The following ZDHHC17 variants were observed in gnomAD, a reference collection of about 807,000 sequenced individuals.
ZDHHC17 encodes the protein zDHHC palmitoyltransferase 17, also known as palmitoyltransferase ZDHHC17.
Under a neutral mutation model 90.3 loss-of-function variants are expected in ZDHHC17, and 40 were observed. The observed-to-expected ratio is 0.44, with a 90% confidence interval of 0.34 to 0.58. ZDHHC17 has a LOEUF of 0.58. Ranked by LOEUF, ZDHHC17 falls within the 20% of genes least tolerant of loss-of-function variation. The pLI, the probability that ZDHHC17 is intolerant of heterozygous loss-of-function variation, is 0.01. For missense variants in ZDHHC17, 614 were observed against 780.8 expected (o/e 0.79, Z 2.55); for synonymous variants, 235 against 252.4 (o/e 0.93, Z 0.65).
chr12:76,786,838 C>A (rs1404641415), intron 1 of ZDHHC17, among the ~76,000 whole-genome samples: 1 of 152,288 alleles, frequency 6.6e-6, no homozygotes, highest in East Asian at 1.9e-4. Flanking sequence ...TCTGTTACTT[C>A]CTTCCTCAAA....
chr12:76,770,908 A>G (rs1028310026), intron 1 of ZDHHC17, among the ~76,000 whole-genome samples: 8 of 146,528 alleles, frequency 5.5e-5, no homozygotes, highest in Non-Finnish European at 1.0e-4. Flanking sequence ...TGCCTGGGCA[A>G]TGAGCAAAAC....
At chr12:76,831,763 C>T (rs1592493264) in intron 10 of ZDHHC17, among the ~76,000 whole-genome samples, 1 of 152,174 alleles carries the variant, frequency 6.6e-6, no homozygotes, top group African/African-American at 2.4e-5. Context: ...CCTCCCACCT[C>T]AGCCTCCTGA....
At chr12:76,809,404 A>G (rs945962471) in intron 4 of ZDHHC17, among the ~76,000 whole-genome samples, 5 of 152,124 alleles carry the variant, frequency 3.3e-5, no homozygotes, top group African/African-American at 4.8e-5. Flanking sequence ...TATATTTACA[A>G]TGAAAGAATT....
chr12:76,827,751 G>C (rs1458103768), intron 9 of ZDHHC17, among the ~76,000 whole-genome samples: 1 of 152,022 alleles, frequency 6.6e-6, no homozygotes, highest in Non-Finnish European at 1.5e-5. Flanking sequence ...CTTAAATCTA[G>C]TTAGTGAATC....
chr12:76,815,937 A>T lies in ZDHHC17; in HGVS notation c.689A>T (p.His230Leu). 1 of 1,585,172 alleles carries T rather than the reference A, an allele frequency of 6.3e-7. No homozygotes were observed. The highest frequency in any genetic ancestry group is 1.8e-5 in the Admixed American group (1 of 56,408). Residue 230 changes from histidine (H) to leucine (L), a missense_variant, in exon 7 of 17, where the codon CAT (histidine) becomes CTT (leucine). This residue lies in a region of ZDHHC17 where 358 missense variants were observed against 380.4 expected (regional missense o/e 0.94). Coordinates refer to ENST00000426126, the MANE Select transcript of ZDHHC17 (RefSeq NM_015336.4). ...AAGTATCACAAAAACACTGCTCTGCATTGGGCAGTGCTAGCAGGGAATACC... is the reference window on the plus strand; with the variant it reads ...AAGTATCACAAAAACACTGCTCTGCTTTGGGCAGTGCTAGCAGGGAATACC... ...GDKYHKNTAL[H>L]WAVLAGNTTV...
intron 10 of ZDHHC17, among the ~76,000 whole-genome samples, chr12:76,828,720 G>A (rs1222166847): frequency 6.6e-6 from 1 of 152,036 alleles, no homozygotes; most frequent in Admixed American, 6.5e-5. Context: ...CATTTATTGA[G>A]TGTTTAAAAG....
chr12:76,775,635 A>G (rs995594205), intron 1 of ZDHHC17, among the ~76,000 whole-genome samples: 1 of 152,214 alleles, frequency 6.6e-6, no homozygotes, highest in East Asian at 1.9e-4. Flanking sequence ...TTTCTTTCTT[A>G]GTGGTACATA....
At chr12:76,778,271 G>A (rs953212331) in intron 1 of ZDHHC17, among the ~76,000 whole-genome samples, 10 of 152,084 alleles carry the variant, frequency 6.6e-5, no homozygotes, top group African/African-American at 2.4e-4. Flanking sequence ...AGAAGGGCAC[G>A]ATTTCAGCTC....
chr12:76,786,918 A>G (rs1211147611), intron 1 of ZDHHC17, among the ~76,000 whole-genome samples: 1 of 152,204 alleles, frequency 6.6e-6, no homozygotes, highest in Non-Finnish European at 1.5e-5. Context: ...TCAGTCGAAG[A>G]TGGGGTTTTT....
chr12:76,807,633 G>A (rs1171761438), intron 3 of ZDHHC17, among the ~76,000 whole-genome samples: 3 of 152,048 alleles, frequency 2.0e-5, no homozygotes, highest in Non-Finnish European at 4.4e-5. Context: ...TTTTTAGGAT[G>A]CAGAAAAGTT....
At chr12:76,776,830 T>G (rs1952565811) in intron 1 of ZDHHC17, among the ~76,000 whole-genome samples, 1 of 152,206 alleles carries the variant, frequency 6.6e-6, no homozygotes, top group Non-Finnish European at 1.5e-5. Flanking sequence ...TTCTGGACAG[T>G]TTTTTAAAAA....
At chr12:76,806,556 G>A (rs1952955519) in intron 3 of ZDHHC17, among the ~76,000 whole-genome samples, 1 of 152,138 alleles carries the variant, frequency 6.6e-6, no homozygotes, top group South Asian at 2.1e-4. Flanking sequence ...TATGTTTTTA[G>A]TAGAGATGGG....
At chr12:76,778,476 G>A (rs904873369) in intron 1 of ZDHHC17, among the ~76,000 whole-genome samples, 7 of 152,164 alleles carry the variant, frequency 4.6e-5, no homozygotes, top group African/African-American at 1.4e-4. Context: ...GCCTGCCTCG[G>A]CCTCCCAGAG....
intron 1 of ZDHHC17, among the ~76,000 whole-genome samples, chr12:76,782,155 G>A (rs1952634414): frequency 6.6e-6 from 1 of 152,152 alleles, no homozygotes; most frequent in Admixed American, 6.5e-5. Flanking sequence ...AGCTCAAAAT[G>A]GAGTGCTATA....
intron 10 of ZDHHC17, among the ~76,000 whole-genome samples, chr12:76,839,596 A>G (rs1472622286): frequency 6.6e-6 from 1 of 152,236 alleles, no homozygotes; most frequent in Non-Finnish European, 1.5e-5. Flanking sequence ...ACATCCAACT[A>G]GATTAAAGAA....
chr12:76,764,492 A>C, intron 1 of ZDHHC17, 163 bp downstream of exon 1: 9 of 646,820 alleles, frequency 1.4e-5, no homozygotes, highest in Non-Finnish European at 1.6e-5. Flanking sequence ...CGAGCGGATA[A>C]CGGGGGAGGA....
chr12:76,792,388 T>A (rs539028141), intron 1 of ZDHHC17, among the ~76,000 whole-genome samples: 2 of 152,326 alleles, frequency 1.3e-5, no homozygotes, highest in South Asian at 4.1e-4. Flanking sequence ...GAATAGTTGA[T>A]TGGTTATATA....
chr12:76,826,887 T>C lies in ZDHHC17; in HGVS notation c.898-21T>C, dbSNP rs780542690. The C allele has an allele frequency of 4.0e-6, 6 of 1,502,166 alleles. No homozygotes were observed. The Admixed American group carries it at 1.7e-4, about 42-fold the overall frequency. The allele number at this position is 1,502,166 out of a possible 1,614,324, so 93.1% of individuals were successfully genotyped here. A position where few individuals can be genotyped will look rare whatever the true frequency, so the allele number is the denominator to read the frequency against. On this transcript the variant is annotated intron_variant, in intron 8 of 16. Coordinates refer to ENST00000426126, the MANE Select transcript of ZDHHC17 (RefSeq NM_015336.4). The stretch of plus-strand genomic sequence containing the variant: ...TACTTGAAACATGCAAAAACTTTTC[T>C]AATTTTTTGTTTCTATACAGGAATT...
chr12:76,821,660 TCTGA>T (rs920116951), intron 7 of ZDHHC17, among the ~76,000 whole-genome samples: 2 of 152,164 alleles, frequency 1.3e-5, no homozygotes, highest in African/African-American at 4.8e-5. Flanking sequence ...AATGTAGGTG[TCTGA>T]CTAATTTGCA....
Sources: allele counts gnomAD v4.1 joint callset (sites outside exome capture counted in the v4.1 genomes callset), GRCh38; gene constraint gnomAD v4.1.1; regional missense constraint gnomAD v4.1.1; transcripts MANE v1.5; gene names NCBI Gene and HGNC (gene_info 2026-07-23, HGNC 2026-07-21).